AGAP1: variants seen among roughly 807,000 people sequenced by gnomAD.
The protein encoded by AGAP1 is arf-GAP with GTPase, ANK repeat and PH domain-containing protein 1.
In AGAP1, 29 loss-of-function variants were observed where a neutral mutation model predicts 105.3. The ratio of observed to expected loss-of-function variants is 0.28; its 90% confidence interval spans 0.21 to 0.38. The LOEUF (loss-of-function observed/expected upper bound fraction) is 0.38. Among genes scored for constraint, AGAP1 ranks in the 10% least tolerant of loss-of-function variants. The pLI is 1.00. For missense variants in AGAP1, 998 were observed against 1,165.1 expected (o/e 0.86, Z 2.09); for synonymous variants, 509 against 485.9 (o/e 1.05, Z -0.63).
chr2:236,120,369 C>T lies in AGAP1; in HGVS notation c.2292C>T (p.Cys764=), dbSNP rs374478246. Residue 764 remains cysteine, a synonymous_variant, in exon 17 of 18, where the codon TGC becomes TGT. Coordinates refer to ENST00000304032, the MANE Select transcript of AGAP1 (RefSeq NM_001037131.3). This position sits in a 1 kb window ranked among gnomAD's most constrained non-coding sequence, Gnocchi z 6.0. Reference sequence around the variant, plus strand: ...CCCGGGACGAGGTGAACGAGACCTGCGGGGAGGGAGACGGCCGCACGGCGC... The same window carrying T: ...CCCGGGACGAGGTGAACGAGACCTGTGGGGAGGGAGACGGCCGCACGGCGC... ...HGSRDEVNET[C]GEGDGRTALH... is the part of the protein sequence containing the mutation. 1.1e-5 allele frequency: 17 copies of T among 1,611,562 alleles called. No individual in the cohort carries two copies. The highest frequency in any genetic ancestry group is 1.1e-5 in the Non-Finnish European group (13 of 1,179,774).
chr2:235,980,779 C>CAG, intron 13 of AGAP1, among the ~76,000 whole-genome samples: 1 of 152,324 alleles, frequency 6.6e-6, no homozygotes, highest in Non-Finnish European at 1.5e-5. Context: ...GGTTTGGGCT[C>CAG]AGCCTGCTAC....
At chr2:235,532,423 G>C (rs1943074925) in intron 1 of AGAP1, among the ~76,000 whole-genome samples, 1 of 152,104 alleles carries the variant, frequency 6.6e-6, no homozygotes, top group African/African-American at 2.4e-5. Flanking sequence ...ACCCAGAATG[G>C]TGTCAGACTT....
rs115400332 is a variant in AGAP1 at position 236,056,621 on chromosome 2, C to A, written c.2114+7340C>A. Among the ~76,000 whole-genome samples, 1,001 of 152,292 alleles carry A rather than the reference C, an allele frequency of 6.6e-3. 11 individuals are homozygous for A. The highest frequency in any genetic ancestry group is 0.011 in the Non-Finnish European group (763 of 68,022). ...GATTCCTCCAGCAGTCAAGCATTTT[C>A]CAAAGGGCCCTGTCTTTCAGTCGTG... On this transcript the variant is annotated intron_variant, in intron 16 of 17. Transcript: ENST00000304032. The surrounding 1 kb of genome is among the most constrained non-coding windows in gnomAD (Gnocchi z 4.6).
At chr2:235,572,003 C>CT (rs374791680) in intron 1 of AGAP1, among the ~76,000 whole-genome samples, 56 of 93,484 alleles carry the variant, frequency 6.0e-4, no homozygotes, top group East Asian at 3.3e-3. Context: ...CACACACACA[C>CT]TTTTTTTTTT....
At chr2:235,780,270 C>T (rs754289960) in intron 6 of AGAP1, among the ~76,000 whole-genome samples, 50 of 152,104 alleles carry the variant, frequency 3.3e-4, no homozygotes, top group Non-Finnish European at 6.6e-4. Context: ...TTAATAGCTA[C>T]AGGTAACTGC....
intron 5 of AGAP1, among the ~76,000 whole-genome samples, chr2:235,749,271 C>T (rs1953227145): frequency 6.6e-6 from 1 of 151,872 alleles, no homozygotes; most frequent in Non-Finnish European, 1.5e-5. Context: ...AGCCCTGTGG[C>T]TGTTCACATT....
At chr2:235,541,740 A>G (rs917885793) in intron 1 of AGAP1, among the ~76,000 whole-genome samples, 3 of 152,128 alleles carry the variant, frequency 2.0e-5, no homozygotes, top group Non-Finnish European at 2.9e-5. Context: ...CTGAATCTCT[A>G]TCTCATTATG....
chr2:236,021,698 T>C (rs1480199347), intron 13 of AGAP1, among the ~76,000 whole-genome samples: 1 of 152,156 alleles, frequency 6.6e-6, no homozygotes, highest in African/African-American at 2.4e-5. Flanking sequence ...CAAGATGTTT[T>C]CAATTTGCGG....
At position 235,614,065 on chromosome 2, in the gene AGAP1, T is replaced by C. The variant is rs184495318; in HGVS notation, c.164-95114T>C. ...GCCAAATACTCAAAAGCACTAAGTT[T>C]TCTTGCGTGGTATCTGTTCATATAT... On this transcript the variant is annotated intron_variant, in intron 1 of 17. Coordinates refer to ENST00000304032, the MANE Select transcript of AGAP1 (RefSeq NM_001037131.3). This position sits in a 1 kb window ranked among gnomAD's most constrained non-coding sequence, Gnocchi z 4.7. 2.4e-3 allele frequency among the ~76,000 whole-genome samples: 360 copies of C among 152,306 alleles called. 1 individual carries two copies. The highest frequency in any genetic ancestry group is 4.2e-3 in the South Asian group (20 of 4,816).
intron 6 of AGAP1, among the ~76,000 whole-genome samples, chr2:235,767,388 G>A (rs1444076322): frequency 1.3e-5 from 2 of 152,346 alleles, no homozygotes; most frequent in African/African-American, 2.4e-5. Context: ...GCACCAGCGA[G>A]CACCCGGGCC....
rs1362396501 is a variant in AGAP1, at chr2:235,717,651, T to C, written c.310+7T>C. The C allele has an allele frequency of 6.3e-7, 1 of 1,596,372 alleles. No homozygotes were observed. The highest frequency in any genetic ancestry group is 8.5e-7 in the Non-Finnish European group (1 of 1,175,782). ...CAGGAGGAGTCTCCGGAAGGTATGC[T>C]GTTTGGCAGGCAGTTGCAAACTTAA... On this transcript the variant is annotated splice_region_variant and intron_variant, in intron 3 of 17. Transcript: ENST00000304032.
rs377170250 is a variant in AGAP1 at position 235,771,997 on chromosome 2, A to AC, written c.673+21509_673+21510insC. Among the ~76,000 whole-genome samples the AC allele has an allele frequency of 6.8e-4, 89 of 131,690 alleles. 6 individuals are homozygous for AC. The highest frequency in any genetic ancestry group is 4.1e-3 in the Middle Eastern group (1 of 242). The allele number at this position is 131,690 out of a possible 152,430, so 86.4% of individuals were successfully genotyped here. On this transcript the variant is annotated intron_variant, in intron 6 of 17. Coordinates refer to ENST00000304032, the MANE Select transcript of AGAP1 (RefSeq NM_001037131.3). Reference sequence around the variant, plus strand: ...TGTTTCTTTTTTTTTTTCTTTTCTTATCTTTTTTTTTTTTTTGAGTTGGAG... The same window carrying AC: ...TGTTTCTTTTTTTTTTTCTTTTCTTACTCTTTTTTTTTTTTTTGAGTTGGAG...
chr2:235,802,673 GTGA>G (rs1281631035), intron 8 of AGAP1, among the ~76,000 whole-genome samples: 5 of 150,010 alleles, frequency 3.3e-5, no homozygotes, highest in South Asian at 2.1e-4. Context: ...TGTGGTTGTG[GTGA>G]TGATGGTTGT....
rs1324464358 is a variant in AGAP1 at position 235,690,233 on chromosome 2, C to T, written c.164-18946C>T. On this transcript the variant is annotated intron_variant, in intron 1 of 17. Coordinates refer to ENST00000304032, the MANE Select transcript of AGAP1 (RefSeq NM_001037131.3). This position sits in a 1 kb window ranked among gnomAD's most constrained non-coding sequence, Gnocchi z 4.1. Reference sequence around the variant, plus strand: ...CACTCAGAGAACTTTAGTACACAGTCTTAAACAACCCTGGAATGTTGAGCT... The same window carrying T: ...CACTCAGAGAACTTTAGTACACAGTTTTAAACAACCCTGGAATGTTGAGCT... Among the ~76,000 whole-genome samples the T allele has an allele frequency of 6.6e-6, 1 of 151,998 alleles. No homozygotes were observed. The highest frequency in any genetic ancestry group is 1.9e-4 in the East Asian group (1 of 5,142).
chr2:235,932,487 G>A (rs1178630023), intron 12 of AGAP1, among the ~76,000 whole-genome samples: 2 of 152,130 alleles, frequency 1.3e-5, no homozygotes, highest in East Asian at 3.9e-4. Flanking sequence ...TCATTCTGTG[G>A]CCGCCATCTC....
rs574049043 is a variant in AGAP1, at chr2:235,714,822, A to C, written c.223-2735A>C. On this transcript the variant is annotated intron_variant, in intron 2 of 17. Transcript: ENST00000304032. The surrounding 1 kb of genome is among the most constrained non-coding windows in gnomAD (Gnocchi z 4.1). ...TGTTGTTTTTGTTTTGTTTTGAGACAGAGTCTCGCTCTGTCACCCAGGCTG... is the reference window on the plus strand; with the variant it reads ...TGTTGTTTTTGTTTTGTTTTGAGACCGAGTCTCGCTCTGTCACCCAGGCTG... Among the ~76,000 whole-genome samples, 4 of 152,254 alleles carry C rather than the reference A, an allele frequency of 2.6e-5. No individual in the cohort carries two copies. The South Asian group carries it at 8.3e-4, about 32-fold the overall frequency.
intron 1 of AGAP1, among the ~76,000 whole-genome samples, chr2:235,564,842 G>A (rs539459562): frequency 2.8e-4 from 40 of 143,744 alleles, no homozygotes; most frequent in Middle Eastern, 4.2e-3. Flanking sequence ...CAGCACCCAC[G>A]GCCAGGTGTG....
At chr2:235,886,155 TG>T (rs1450166482) in intron 10 of AGAP1, among the ~76,000 whole-genome samples, 1 of 152,224 alleles carries the variant, frequency 6.6e-6, no homozygotes, top group African/African-American at 2.4e-5. Flanking sequence ...GTGGCCGGGC[TG>T]CCCTGTTACT....
intron 9 of AGAP1, among the ~76,000 whole-genome samples, chr2:235,823,948 C>A (rs764182626): frequency 1.3e-5 from 2 of 152,072 alleles, no homozygotes; most frequent in Non-Finnish European, 2.9e-5. Context: ...AGCTGAGGCT[C>A]GCCTTGCATG....
Sources: gnomAD v4.1 joint callset for allele counts (sites outside exome capture counted in the v4.1 genomes callset) on GRCh38, gnomAD v4.1.1 for gene constraint, Gnocchi (gnomAD v3.1) non-coding constraint, MANE v1.5 for transcripts, NCBI Gene and HGNC (gene_info 2026-07-23, HGNC 2026-07-21) for gene names.